The following ZNF865 variants were observed in gnomAD, a reference collection of about 807,000 sequenced individuals.
The protein encoded by ZNF865 is zinc finger protein 865.
For synonymous variants in ZNF865, 763 were observed against 750.8 expected, an observed-to-expected ratio of 1.02 and a Z score of -0.27; for missense variants, 1,311 against 1,593.4, an observed-to-expected ratio of 0.82 and a Z score of 3.02.
At position 55,615,315 on chromosome 19, in the gene ZNF865, A is replaced by G. The variant is rs1981312364; in HGVS notation, c.1697A>G (p.Lys566Arg). ...GGCTTCGGGCGCCGCGAGACCCTGA[A>G]GCGCCATGAGCGCATCCACACGGGC... Reference protein sequence around the residue: ...GRGFGRRETLKRHERIHTGEK... With the variant: ...GRGFGRRETLRRHERIHTGEK... The change falls in exon 2 of 2, where the codon AAG becomes AGG. Residue 566 changes from lysine to arginine, a missense_variant. Transcript: ENST00000568956. 1.6e-5 allele frequency: 24 copies of G among 1,524,786 alleles called. No individual in the cohort carries two copies. The highest frequency in any genetic ancestry group is 2.5e-5 in the East Asian group (1 of 39,844). The allele number at this position is 1,524,786 out of a possible 1,614,324, so 94.5% of individuals were successfully genotyped here. A position where few individuals can be genotyped will look rare whatever the true frequency, so the allele number is the denominator to read the frequency against.
rs771117617 is a variant in ZNF865, at chr19:55,613,989, C to T, written c.371C>T (p.Pro124Leu). The T allele has an allele frequency of 4.6e-6, 7 of 1,520,208 alleles. No individual in the cohort carries two copies. In the African/African-American group the frequency reaches 8.3e-5, roughly 18 times the overall value. 94.2% of individuals were successfully genotyped at this position (1,520,208 alleles called of 1,614,324 possible). The change falls in exon 2 of 2, where the codon CCG (proline) becomes CTG (leucine). Residue 124 changes from proline to leucine, a missense_variant. Coordinates refer to ENST00000568956, the MANE Select transcript of ZNF865 (RefSeq NM_001195605.2). ...TCTTCCCAAGCCAAGAAGCCCGATC[C>T]GCCCCTGCCGCCCGCCTTCGGGGCG... is the stretch of plus-strand genomic sequence containing the variant. ...SSSSQAKKPDPPLPPAFGAPP... is the reference protein window; with the variant it reads ...SSSSQAKKPDLPLPPAFGAPP...
chr19:55,616,190 T>A lies in ZNF865; in HGVS notation c.2572T>A (p.Trp858Arg). The A allele has an allele frequency of 6.6e-7, 1 of 1,521,564 alleles. No individual in the cohort carries two copies. The highest frequency in any genetic ancestry group is 1.8e-4 in the Middle Eastern group (1 of 5,464). The allele number at this position is 1,521,564 out of a possible 1,614,324, so 94.3% of individuals were successfully genotyped here. A position where few individuals can be genotyped will look rare whatever the true frequency, so the allele number is the denominator to read the frequency against. Reference sequence around the variant, plus strand: ...CTGCCCGGTGTGCGGGAAGCGCTTCTGGGAGGCGGCCCTGCTGATGCGCCA... The same window carrying A: ...CTGCCCGGTGTGCGGGAAGCGCTTCAGGGAGGCGGCCCTGCTGATGCGCCA... Reference protein sequence around the residue: ...FRCPVCGKRFWEAALLMRHQR... With the variant: ...FRCPVCGKRFREAALLMRHQR... The change falls in exon 2 of 2, where the codon TGG (tryptophan) becomes AGG (arginine). Residue 858 changes from tryptophan to arginine, a missense_variant. Trp to Arg is a moderately radical substitution (Grantham distance 101). Transcript: ENST00000568956.
chr19:55,607,547 G>A (rs1007882285), intron 1 of ZNF865, among the ~76,000 whole-genome samples: 2 of 151,938 alleles, frequency 1.3e-5, no homozygotes, highest in African/African-American at 4.8e-5. Flanking sequence ...GGAGTTCGAG[G>A]CTGCAGTGAA....
chr19:55,614,822 G>A lies in ZNF865; in HGVS notation c.1204G>A (p.Ala402Thr), dbSNP rs1407258259. 1 of 1,539,248 alleles carries A rather than the reference G, an allele frequency of 6.5e-7. No homozygotes were observed. Among genetic ancestry groups the A allele is most frequent in the Non-Finnish European group, 8.7e-7 (1 of 1,149,856 alleles). Reference protein sequence around the residue: ...SLKRHVKTHSADLLRLPCGIC... With the variant: ...SLKRHVKTHSTDLLRLPCGIC... ...GAAGCGCCACGTGAAGACGCACTCG[G>A]CCGACCTCCTGCGCCTGCCCTGCGG... Residue 402 changes from alanine (A) to threonine (T), a missense_variant, in exon 2 of 2, where the codon GCC (alanine) becomes ACC (threonine). Physicochemically the swap from Ala to Thr is moderately conservative, Grantham distance 58. Coordinates refer to ENST00000568956, the MANE Select transcript of ZNF865 (RefSeq NM_001195605.2). This position sits in a 1 kb window ranked among gnomAD's most constrained non-coding sequence, Gnocchi z 8.0.
Position 55,614,053 on chromosome 19 carries a change from G to A in ZNF865, c.435G>A (p.Pro145=). Residue 145 remains proline (P), a synonymous_variant, in exon 2 of 2, where the codon CCG becomes CCA. Coordinates refer to ENST00000568956, the MANE Select transcript of ZNF865 (RefSeq NM_001195605.2). The surrounding 1 kb of genome is among the most constrained non-coding windows in gnomAD (Gnocchi z 8.0). ...PPLFDAAFPT[P]QWGIVDLSGH... ...TCTTTGACGCTGCTTTCCCCACTCC[G>A]CAGTGGGGCATCGTGGACCTCTCGG... 1 of 1,472,126 alleles carries A rather than the reference G, an allele frequency of 6.8e-7. No homozygotes were observed. The highest frequency in any genetic ancestry group is 9.0e-7 in the Non-Finnish European group (1 of 1,116,400). 91.2% of individuals were successfully genotyped at this position (1,472,126 alleles called of 1,614,324 possible).
At chr19:55,606,790 G>A (rs1980959902) in intron 1 of ZNF865, among the ~76,000 whole-genome samples, 1 of 152,244 alleles carries the variant, frequency 6.6e-6, no homozygotes, top group South Asian at 2.1e-4. Flanking sequence ...GATACACACA[G>A]TGTTCTCACT....
chr19:55,616,277 C>T lies in ZNF865; in HGVS notation c.2659C>T (p.Arg887Cys). 1 of 1,519,242 alleles carries T rather than the reference C, an allele frequency of 6.6e-7. No individual in the cohort carries two copies. Among genetic ancestry groups the T allele is most frequent in the South Asian group, 1.2e-5 (1 of 82,578 alleles). 94.1% of individuals were successfully genotyped at this position (1,519,242 alleles called of 1,614,324 possible). A position where few individuals can be genotyped will look rare whatever the true frequency, so the allele number is the denominator to read the frequency against. ...RCGVCGRGFL[R>C]SWYLRQHRVV... Reference sequence around the variant, plus strand: ...TGGCGTGTGCGGCCGAGGCTTCCTGCGCTCCTGGTACCTGCGGCAGCACCG... The same window carrying T: ...TGGCGTGTGCGGCCGAGGCTTCCTGTGCTCCTGGTACCTGCGGCAGCACCG... Residue 887 changes from arginine to cysteine, a missense_variant, in exon 2 of 2, where the codon CGC (arginine) becomes TGC (cysteine). Physicochemically the swap from Arg to Cys is radical, Grantham distance 180 (BLOSUM62 -3). Coordinates refer to ENST00000568956, the MANE Select transcript of ZNF865 (RefSeq NM_001195605.2).
Position 55,614,502 on chromosome 19 carries a change from G to T in ZNF865, c.884G>T (p.Gly295Val). 7.4e-7 allele frequency: 1 copy of T among 1,359,242 alleles called. No homozygotes were observed. Among genetic ancestry groups the T allele is most frequent in the African/African-American group, 1.5e-5 (1 of 64,772 alleles). The allele number at this position is 1,359,242 out of a possible 1,614,324, so 84.2% of individuals were successfully genotyped here. The change falls in exon 2 of 2, where the codon GGC becomes GTC. Residue 295 changes from glycine (G) to valine (V), a missense_variant. Coordinates refer to ENST00000568956, the MANE Select transcript of ZNF865 (RefSeq NM_001195605.2). This position sits in a 1 kb window ranked among gnomAD's most constrained non-coding sequence, Gnocchi z 8.0. ...PQPGPHLPPL[G>V]LPAPAASAAT... ...CCCGGCCCCCACCTCCCGCCGCTGG[G>T]CCTCCCAGCACCCGCTGCCAGCGCC...
Position 55,615,868 on chromosome 19 carries a change from C to T in ZNF865, c.2250C>T (p.Asp750=), listed in dbSNP as rs1433439538. 1.3e-6 allele frequency: 2 copies of T among 1,485,210 alleles called. No individual in the cohort carries two copies. Among genetic ancestry groups the T allele is most frequent in the East Asian group, 5.3e-5 (2 of 37,748 alleles). The allele number at this position is 1,485,210 out of a possible 1,614,324, so 92.0% of individuals were successfully genotyped here. ...GCACGGATGCGGCCAGCGTGCTGGA[C>T]AACGGGCTGGCGGGGGAGGTGGGGG... ...SSGTDAASVL[D]NGLAGEVGAA... Residue 750 remains aspartate, a synonymous_variant, in exon 2 of 2, where the codon GAC becomes GAT. Transcript: ENST00000568956.
At position 55,616,657 on chromosome 19, in the gene ZNF865, C is replaced by T. The variant is rs770627774; in HGVS notation, c.3039C>T (p.Gly1013=). The change falls in exon 2 of 2, where the codon GGC becomes GGT. Residue 1013 remains glycine, a synonymous_variant. Coordinates refer to ENST00000568956, the MANE Select transcript of ZNF865 (RefSeq NM_001195605.2). ...GTAAGCACCTGGCTGCCCACCAGGGCGGCCGGCCCTTCCGCTGCTCCTCCT... is the reference window on the plus strand; with the variant it reads ...GTAAGCACCTGGCTGCCCACCAGGGTGGCCGGCCCTTCCGCTGCTCCTCCT... The part of the protein sequence containing the change: ...YFRKHLAAHQ[G]GRPFRCSSCG... The T allele has an allele frequency of 9.2e-6, 14 of 1,529,204 alleles. No homozygotes were observed. Among genetic ancestry groups the T allele is most frequent in the South Asian group, 6.0e-5 (5 of 83,364 alleles). The allele number at this position is 1,529,204 out of a possible 1,614,324, so 94.7% of individuals were successfully genotyped here. A position where few individuals can be genotyped will look rare whatever the true frequency, so the allele number is the denominator to read the frequency against.
chr19:55,608,471 C>T (rs35903319), intron 1 of ZNF865, among the ~76,000 whole-genome samples: 22,650 of 152,024 alleles, frequency 0.15, 1,826 homozygotes, highest in Admixed American at 0.18. Flanking sequence ...TGTGCCACCA[C>T]GCCCAGCTAA....
At position 55,613,936 on chromosome 19, in the gene ZNF865, C is replaced by G. The variant is rs1383504687; in HGVS notation, c.318C>G (p.Ser106=). 2.0e-6 allele frequency: 3 copies of G among 1,532,206 alleles called. No individual in the cohort carries two copies. Among genetic ancestry groups the G allele is most frequent in the South Asian group, 1.2e-5 (1 of 83,834 alleles). The allele number at this position is 1,532,206 out of a possible 1,614,324, so 94.9% of individuals were successfully genotyped here. The part of the protein sequence containing the change: ...SSSSSSSSSS[S]SSSSSSSSSS... ...CGTCCTCCTCCTCCTCCTCTTCGTCCTCCTCGTCGTCATCTTCGTCCTCTT... is the reference window on the plus strand; with the variant it reads ...CGTCCTCCTCCTCCTCCTCTTCGTCGTCCTCGTCGTCATCTTCGTCCTCTT... The change falls in exon 2 of 2, where the codon TCC becomes TCG. Residue 106 remains serine (S), a synonymous_variant. Coordinates refer to ENST00000568956, the MANE Select transcript of ZNF865 (RefSeq NM_001195605.2).
intron 1 of ZNF865, among the ~76,000 whole-genome samples, chr19:55,610,031 C>T (rs1298611740): frequency 2.0e-5 from 3 of 152,176 alleles, no homozygotes; most frequent in Non-Finnish European, 4.4e-5. Flanking sequence ...CCCAGAATTG[C>T]TTCTCCCAGG....
chr19:55,606,060 C>T (rs1234000855), intron 1 of ZNF865, among the ~76,000 whole-genome samples: 1 of 152,144 alleles, frequency 6.6e-6, no homozygotes, highest in Non-Finnish European at 1.5e-5. Context: ...AGGTCAGCCT[C>T]CAGATGCCAT....
chr19:55,606,095 G>GCAGCT (rs1980929961), intron 1 of ZNF865, among the ~76,000 whole-genome samples: 1 of 152,060 alleles, frequency 6.6e-6, no homozygotes, highest in African/African-American at 2.4e-5. Flanking sequence ...CCCATGTAGG[G>GCAGCT]CAGCTGCTCG....
chr19:55,614,037 C>A lies in ZNF865; in HGVS notation c.419C>A (p.Ala140Asp). 1 of 1,487,318 alleles carries A rather than the reference C, an allele frequency of 6.7e-7. No individual in the cohort carries two copies. Among genetic ancestry groups the A allele is most frequent in the South Asian group, 1.3e-5 (1 of 76,228 alleles). 92.1% of individuals were successfully genotyped at this position (1,487,318 alleles called of 1,614,324 possible). The change falls in exon 2 of 2, where the codon GCT becomes GAT. Residue 140 changes from alanine to aspartate, a missense_variant. Ala to Asp is a moderately radical substitution (Grantham distance 126). Coordinates refer to ENST00000568956, the MANE Select transcript of ZNF865 (RefSeq NM_001195605.2). The surrounding 1 kb of genome is among the most constrained non-coding windows in gnomAD (Gnocchi z 8.0). ...FGAPPPPLFD[A>D]AFPTPQWGIV... is the part of the protein sequence containing the mutation. ...GCGCCCCCTCCTCCCCTCTTTGACG[C>A]TGCTTTCCCCACTCCGCAGTGGGGC...
intron 1 of ZNF865, among the ~76,000 whole-genome samples, chr19:55,607,384 G>C (rs1980980930): frequency 6.6e-6 from 1 of 150,610 alleles, no homozygotes; most frequent in South Asian, 2.1e-4. Flanking sequence ...AGGATCGCTG[G>C]AGGCCAGGAG....
intron 1 of ZNF865, among the ~76,000 whole-genome samples, chr19:55,608,494 A>G (rs890736188): frequency 6.6e-6 from 1 of 151,732 alleles, no homozygotes; most frequent in Non-Finnish European, 1.5e-5. Flanking sequence ...TTGTATTTTT[A>G]GTAGAGATGG....
Position 55,614,780 on chromosome 19 carries a change from A to G in ZNF865, c.1162A>G (p.Asn388Asp). 6.4e-7 allele frequency: 1 copy of G among 1,562,268 alleles called. No individual in the cohort carries two copies. Among genetic ancestry groups the G allele is most frequent in the Non-Finnish European group, 8.6e-7 (1 of 1,162,986 alleles). The stretch of plus-strand genomic sequence containing the variant: ...CTGCTCCGTGTGCAGCAAAAGCTTC[A>G]ACCGCAGGGAGAGTCTGAAGCGCCA... ...FSCSVCSKSF[N>D]RRESLKRHVK... Residue 388 changes from asparagine to aspartate, a missense_variant, in exon 2 of 2, where the codon AAC becomes GAC. Coordinates refer to ENST00000568956, the MANE Select transcript of ZNF865 (RefSeq NM_001195605.2). The surrounding 1 kb of genome is among the most constrained non-coding windows in gnomAD (Gnocchi z 8.0).
Sources: gnomAD v4.1 joint callset for allele counts (sites outside exome capture counted in the v4.1 genomes callset) on GRCh38, gnomAD v4.1.1 for gene constraint, Gnocchi (gnomAD v3.1) non-coding constraint, MANE v1.5 for transcripts, NCBI Gene and HGNC (gene_info 2026-07-23, HGNC 2026-07-21) for gene names.